LARS1: variants seen among roughly 807,000 people sequenced by gnomAD.
LARS1 encodes leucyl-tRNA synthetase 1.
LARS1 carries 100 observed loss-of-function variants against 162.8 expected under a neutral mutation model. The observed-to-expected ratio is 0.61, with a 90% CI of 0.52 to 0.73. The LOEUF (loss-of-function observed/expected upper bound fraction) is 0.73, where lower values mean the gene tolerates loss of function less well. Among genes scored for constraint, LARS1 ranks in the 30% least tolerant of loss-of-function variants. The pLI, the probability that LARS1 is intolerant of heterozygous loss-of-function variation, is 0.00. For synonymous variants in LARS1, 457 were observed against 462.8 expected, an observed-to-expected ratio of 0.99 and a Z score of 0.16; for missense variants, 1,258 against 1,408.9, an observed-to-expected ratio of 0.89 and a Z score of 1.71.
At chr5:146,130,971 T>G (rs372064359) in intron 24 of LARS1, 48 bp downstream of exon 24, 3 of 1,037,502 alleles carry the variant, frequency 2.9e-6, no homozygotes, top group African/African-American at 1.6e-5. Flanking sequence ...AAATACATAA[T>G]GTTCACATTG....
intron 27 of LARS1, among the ~76,000 whole-genome samples, chr5:146,127,250 T>C (rs1481349193): frequency 6.6e-6 from 1 of 152,112 alleles, no homozygotes; most frequent in African/African-American, 2.4e-5. Flanking sequence ...TTTTCAATTC[T>C]AACTTTTACT....
At position 146,153,764 on chromosome 5, in the gene LARS1, A is replaced by T; in HGVS notation, c.1200T>A (p.Ile400=). Residue 400 remains isoleucine (I), a synonymous_variant, in exon 12 of 32, where the codon ATT becomes ATA. Coordinates refer to ENST00000394434, the MANE Select transcript of LARS1 (RefSeq NM_020117.11). ...TTTTCTTCAAGTCTCTGAGGGCAGC[A>T]ATATCATCAGGGGAGTCGGAAGGAA... The part of the protein sequence containing the change: ...TSVPSDSPDD[I]AALRDLKKKQ... 6.2e-7 allele frequency: 1 copy of T among 1,614,084 alleles called. No individual in the cohort carries two copies. The highest frequency in any genetic ancestry group is 8.5e-7 in the Non-Finnish European group (1 of 1,179,960).
At chr5:146,136,771 G>A (rs990779783) in intron 21 of LARS1, among the ~76,000 whole-genome samples, 3 of 151,950 alleles carry the variant, frequency 2.0e-5, no homozygotes, top group East Asian at 1.9e-4. Flanking sequence ...GTGAGCCACC[G>A]CACCCGGCCA....
Position 146,114,277 on chromosome 5 carries a change from A to G in LARS1, c.3360T>C (p.Asp1120=), listed in dbSNP as rs1197417516. 1 of 1,613,968 alleles carries G rather than the reference A, an allele frequency of 6.2e-7. No individual in the cohort carries two copies. Among genetic ancestry groups the G allele is most frequent in the South Asian group, 1.1e-5 (1 of 91,048 alleles). Residue 1120 remains aspartate, a synonymous_variant, in exon 32 of 32, where the codon GAT becomes GAC. Coordinates refer to ENST00000394434, the MANE Select transcript of LARS1 (RefSeq NM_020117.11). ...GAACTCGTCGAGGCCCCAACAGTGG[A>G]TCATCAAATCTCATCAGTTTCACTT... ...LSKVKLMRFD[D]PLLGPRRVPV... is the part of the protein sequence containing the mutation.
chr5:146,181,848 CTTTTTTTTTTTTT>C lies in LARS1; in HGVS notation c.6+627_6+639del, dbSNP rs34658033. 9.0e-3 allele frequency among the ~76,000 whole-genome samples: 479 copies of C among 53,068 alleles called. 5 individuals carry two copies. Among genetic ancestry groups the C allele is most frequent in the African/African-American group, 0.03 (432 of 14,294 alleles). 34.8% of individuals were successfully genotyped at this position (53,068 alleles called of 152,430 possible). On this transcript the variant is annotated intron_variant, in intron 1 of 31. Coordinates refer to ENST00000394434, the MANE Select transcript of LARS1 (RefSeq NM_020117.11). ...TTTACGGAGAGGCGCTCAATTTTTT[CTTTTTTTTTTTTT>C]TTTTTTTTTTTTTTTTTTGCTGTAA...
chr5:146,181,781 C>G (rs1190070252), intron 1 of LARS1, among the ~76,000 whole-genome samples: 1 of 149,688 alleles, frequency 6.7e-6, no homozygotes, highest in South Asian at 2.1e-4. Context: ...ATGTATTTTA[C>G]CCACACACAT....
chr5:146,182,380 G>A (rs1754910715), intron 1 of LARS1, 108 bp downstream of exon 1: 13 of 1,435,964 alleles, frequency 9.1e-6, no homozygotes, highest in Non-Finnish European at 1.3e-5. Context: ...CTTAAGCGTG[G>A]CTCTCTTTTA....
In LARS1 at chr5:146,153,788, AAC is replaced by A; in HGVS notation, c.1174_1175del (p.Val392SerfsTer6). On this transcript the variant is annotated frameshift_variant, in exon 12 of 32. Coordinates refer to ENST00000394434, the MANE Select transcript of LARS1 (RefSeq NM_020117.11). LOFTEE classifies it high-confidence loss of function. ...EDKGTGVVTS[V>X]PSDSPDDIAA... ...CAATATCATCAGGGGAGTCGGAAGG[AAC>A]ACTTGTAACCACACCAGTGCCTTAG... 1 of 1,614,098 alleles carries A rather than the reference AAC, an allele frequency of 6.2e-7. No individual in the cohort carries two copies. Among genetic ancestry groups the A allele is most frequent in the Non-Finnish European group, 8.5e-7 (1 of 1,179,966 alleles).
chr5:146,173,813 T>C (rs1246820179), intron 2 of LARS1, among the ~76,000 whole-genome samples: 2 of 152,118 alleles, frequency 1.3e-5, no homozygotes, highest in African/African-American at 4.8e-5. Context: ...TACCGTTCCC[T>C]TGTTTTTGAA....
At chr5:146,148,794 A>G (rs1290210394) in intron 15 of LARS1, among the ~76,000 whole-genome samples, 1 of 152,100 alleles carries the variant, frequency 6.6e-6, no homozygotes, top group Non-Finnish European at 1.5e-5. Context: ...GATGGAGATT[A>G]GCCGGGCATG....
intron 10 of LARS1, among the ~76,000 whole-genome samples, chr5:146,155,421 A>G (rs1002984394): frequency 2.6e-5 from 4 of 152,254 alleles, no homozygotes; most frequent in African/African-American, 9.6e-5. Flanking sequence ...AAAATATGTT[A>G]CAAGAACAAG....
At chr5:146,159,694 C>G (rs1753692116) in intron 7 of LARS1, among the ~76,000 whole-genome samples, 1 of 152,054 alleles carries the variant, frequency 6.6e-6, no homozygotes, top group South Asian at 2.1e-4. Context: ...AAAATACACA[C>G]TGATCTTGGC....
chr5:146,159,461 A>T lies in LARS1; in HGVS notation c.717T>A (p.Ile239=). Reference sequence around the variant, plus strand: ...AAGGCTGTCCATCTTTCGGAGAGTAAATTGTATACCTAAAAAATAAACAAA... The same window carrying T: ...AAGGCTGTCCATCTTTCGGAGAGTATATTGTATACCTAAAAAATAAACAAA... ...NKIKFGKRYT[I]YSPKDGQPCM... is the part of the protein sequence containing the mutation. The change falls in exon 8 of 32, where the codon ATT becomes ATA. Residue 239 remains isoleucine (I), a synonymous_variant. Coordinates refer to ENST00000394434, the MANE Select transcript of LARS1 (RefSeq NM_020117.11). 1 of 1,609,330 alleles carries T rather than the reference A, an allele frequency of 6.2e-7. No individual in the cohort carries two copies. The highest frequency in any genetic ancestry group is 8.5e-7 in the Non-Finnish European group (1 of 1,175,796).
chr5:146,138,155 C>A (rs943867247), intron 21 of LARS1: 1 of 157,650 alleles, frequency 6.3e-6, no homozygotes. Context: ...TGTTTATGCT[C>A]AAGATGAAAC....
chr5:146,159,142 A>G lies in LARS1; in HGVS notation c.771+265T>C, dbSNP rs149314460. ...CTGGGCCCCACCCCCAGAACTTTTG[A>G]TTCAGCAATTTTGGGGTGAGGCTAA... On this transcript the variant is annotated intron_variant, in intron 8 of 31. Coordinates refer to ENST00000394434, the MANE Select transcript of LARS1 (RefSeq NM_020117.11). 6.0e-3 allele frequency among the ~76,000 whole-genome samples: 909 copies of G among 151,684 alleles called. 11 individuals carry two copies. Among genetic ancestry groups the G allele is most frequent in the African/African-American group, 0.021 (872 of 41,414 alleles).
chr5:146,131,896 C>G (rs1752301808), intron 23 of LARS1: 1 of 152,228 alleles, frequency 6.6e-6, no homozygotes, highest in Non-Finnish European at 1.5e-5. Flanking sequence ...AATCTGGCCC[C>G]AACCTGTTTC....
chr5:146,147,182 ATT>A (rs1396060586), intron 15 of LARS1, among the ~76,000 whole-genome samples: 1 of 152,174 alleles, frequency 6.6e-6, no homozygotes, highest in Non-Finnish European at 1.5e-5. Context: ...AAGCAAAAAC[ATT>A]TCTTTTTACA....
intron 28 of LARS1, among the ~76,000 whole-genome samples, chr5:146,125,593 T>C (rs944251935): frequency 2.0e-5 from 3 of 152,132 alleles, no homozygotes; most frequent in Non-Finnish European, 2.9e-5. Context: ...TTTGGTTCTA[T>C]AGTATCCTCA....
intron 6 of LARS1, among the ~76,000 whole-genome samples, chr5:146,162,103 T>C (rs1012820589): frequency 2.6e-5 from 4 of 152,236 alleles, no homozygotes; most frequent in African/African-American, 9.6e-5. Context: ...TCCAAACTCC[T>C]GTTAATGTTG....
Sources: allele counts gnomAD v4.1 joint callset (sites outside exome capture counted in the v4.1 genomes callset), GRCh38; gene constraint gnomAD v4.1.1; transcripts MANE v1.5; gene names NCBI Gene and HGNC (gene_info 2026-07-23, HGNC 2026-07-21).